Variants in SESN3 observed in about 807,000 individuals in gnomAD.
The protein encoded by SESN3 is sestrin-3.
In SESN3, 21 loss-of-function variants were observed where a neutral mutation model predicts 55.3. The observed-to-expected ratio is 0.38, with a 90% CI of 0.27 to 0.55. The LOEUF (loss-of-function observed/expected upper bound fraction) is 0.55, where lower values mean the gene tolerates loss of function less well. Among genes scored for constraint, SESN3 ranks in the 20% least tolerant of loss-of-function variants. The pLI is 0.76. For missense variants in SESN3, 408 were observed against 604.3 expected (o/e 0.68, Z 3.41); for synonymous variants, 181 against 203.1 (o/e 0.89, Z 0.93).
intron 1 of SESN3, among the ~76,000 whole-genome samples, chr11:95,217,393 G>A (rs767725549): frequency 6.6e-6 from 1 of 152,162 alleles, no homozygotes; most frequent in Non-Finnish European, 1.5e-5. Flanking sequence ...GCTCATGCCA[G>A]TAATCCCAGC....
intron 8 of SESN3, among the ~76,000 whole-genome samples, chr11:95,176,223 G>A (rs1408048425): frequency 6.6e-6 from 1 of 152,122 alleles, no homozygotes; most frequent in Non-Finnish European, 1.5e-5. Context: ...TGGTTGATAG[G>A]GACAAAAGCC....
chr11:95,169,396 T>C lies in SESN3; in HGVS notation c.*3859A>G, dbSNP rs1859808449. 6.6e-6 allele frequency: 1 copy of C among 152,228 alleles called. No individual in the cohort carries two copies. Among genetic ancestry groups the C allele is most frequent in the South Asian group, 2.1e-4 (1 of 4,832 alleles). The allele number at this position is 152,228 out of a possible 1,614,324, so 9.4% of individuals were successfully genotyped here. On this transcript the variant is annotated 3_prime_UTR_variant, in exon 10 of 10. Coordinates refer to ENST00000536441, the MANE Select transcript of SESN3 (RefSeq NM_144665.4). ...TCAGCCTGCTGTTGAATTGTGCTAC[T>C]AAGCAAATGTGATATACTATTTACA...
upstream of SESN3, chr11:95,231,303 C>T (rs1356566345): frequency 2.6e-6 from 1 of 390,594 alleles, no homozygotes; most frequent in African/African-American, 2.1e-5. Context: ...GGGCGCTAGC[C>T]CGCAGCCAAT....
Position 95,175,655 on chromosome 11 carries a change from C to A in SESN3, c.1248-13G>T. On this transcript the variant is annotated splice_polypyrimidine_tract_variant and intron_variant, in intron 8 of 9. Transcript: ENST00000536441. ...ATAGTCATCATACCTACGAGCAATA[C>A]AACAATAGCTTTATAATGACAAAAT... 1.2e-6 allele frequency: 2 copies of A among 1,600,428 alleles called. No homozygotes were observed. The highest frequency in any genetic ancestry group is 1.7e-6 in the Non-Finnish European group (2 of 1,170,256).
chr11:95,167,475 C>CCCATAT lies in SESN3; in HGVS notation c.*5779_*5780insATATGG, dbSNP rs563322416. 2 of 150,940 alleles carry CCCATAT rather than the reference C, an allele frequency of 1.3e-5. No homozygotes were observed. Among genetic ancestry groups the CCCATAT allele is most frequent in the African/African-American group, 5.0e-5 (2 of 40,342 alleles). 9.4% of individuals were successfully genotyped at this position (150,940 alleles called of 1,614,324 possible). On this transcript the variant is annotated 3_prime_UTR_variant, in exon 10 of 10. Transcript: ENST00000536441. ...TCAGATATTCATTCTGTTTCCCCCC[C>CCCATAT]ATATATATAATTTTTCATTCTGTAC...
intron 8 of SESN3, among the ~76,000 whole-genome samples, chr11:95,176,654 CT>C (rs1295816153): frequency 6.6e-6 from 1 of 152,066 alleles, no homozygotes; most frequent in East Asian, 1.9e-4. Flanking sequence ...CCATATAATG[CT>C]TAGTTTAATA....
intron 1 of SESN3, among the ~76,000 whole-genome samples, chr11:95,215,880 C>T (rs968613952): frequency 2.0e-5 from 3 of 151,874 alleles, no homozygotes; most frequent in African/African-American, 7.3e-5. Context: ...GGGCGGATCA[C>T]GAGGTCAGGA....
At chr11:95,225,840 AC>A (rs905961544) in intron 1 of SESN3, among the ~76,000 whole-genome samples, 1 of 151,274 alleles carries the variant, frequency 6.6e-6, no homozygotes, top group African/African-American at 2.4e-5. Context: ...TAGATTTACC[AC>A]CCCCCCTTTT....
In SESN3 at chr11:95,175,509, G is replaced by A; in HGVS notation, c.1381C>T (p.His461Tyr). The A allele has an allele frequency of 6.2e-7, 1 of 1,613,624 alleles. No individual in the cohort carries two copies. The highest frequency in any genetic ancestry group is 8.5e-7 in the Non-Finnish European group (1 of 1,179,704). Residue 461 changes from histidine to tyrosine, a missense_variant, in exon 9 of 10, where the codon CAC (histidine) becomes TAC (tyrosine). Coordinates refer to ENST00000536441, the MANE Select transcript of SESN3 (RefSeq NM_144665.4). ...ACTGAAACACGTACTTTTTCTGAGTGTTTGAACTGCCGCCAGTAACTATCA... is the reference window on the plus strand; with the variant it reads ...ACTGAAACACGTACTTTTTCTGAGTATTTGAACTGCCGCCAGTAACTATCA... ...MYDSYWRQFK[H>Y]SEKVHVNLLL...
intron 1 of SESN3, among the ~76,000 whole-genome samples, chr11:95,205,602 A>G (rs1394037817): frequency 6.6e-6 from 1 of 152,162 alleles, no homozygotes; most frequent in Non-Finnish European, 1.5e-5. Flanking sequence ...TCACACAATA[A>G]GGCAGCTGAA....
chr11:95,216,389 T>C (rs1016576529), intron 1 of SESN3, among the ~76,000 whole-genome samples: 12 of 152,240 alleles, frequency 7.9e-5, no homozygotes, highest in African/African-American at 2.7e-4. Context: ...ATTTTTGTGA[T>C]ATCATGGCAC....
chr11:95,217,275 T>C (rs1217200130), intron 1 of SESN3, among the ~76,000 whole-genome samples: 2 of 152,150 alleles, frequency 1.3e-5, no homozygotes, highest in Admixed American at 6.5e-5. Context: ...AATTCTCCCA[T>C]ATGTAATCAT....
At chr11:95,204,853 T>C (rs921875078) in intron 1 of SESN3, 2 of 152,156 alleles carry the variant, frequency 1.3e-5, no homozygotes, top group Non-Finnish European at 2.9e-5. Flanking sequence ...AGTCTTGAAC[T>C]AAGTACTTGA....
intron 1 of SESN3, among the ~76,000 whole-genome samples, chr11:95,220,440 T>C (rs758141199): frequency 7.9e-5 from 12 of 151,738 alleles, no homozygotes; most frequent in Non-Finnish European, 1.6e-4. Flanking sequence ...GCTGGTAAGT[T>C]AGGAAAAAAA....
intron 1 of SESN3, among the ~76,000 whole-genome samples, chr11:95,202,607 C>T (rs1453787448): frequency 6.6e-6 from 1 of 152,036 alleles, no homozygotes; most frequent in Non-Finnish European, 1.5e-5. Flanking sequence ...AAGTGTTGAA[C>T]ACTTTTTATA....
chr11:95,226,764 T>C (rs2134273124), intron 1 of SESN3, among the ~76,000 whole-genome samples: 1 of 152,324 alleles, frequency 6.6e-6, no homozygotes, highest in African/African-American at 2.4e-5. Flanking sequence ...TGAAAGATAA[T>C]GGTGTTAGAC....
upstream of SESN3, chr11:95,231,386 A>G (rs894207135): frequency 8.1e-6 from 3 of 371,580 alleles, no homozygotes; most frequent in East Asian, 7.8e-5. Context: ...TCTCCGGGCA[A>G]GTTAAGTTTA....
At chr11:95,215,836 C>T (rs545413979) in intron 1 of SESN3, among the ~76,000 whole-genome samples, 6 of 152,248 alleles carry the variant, frequency 3.9e-5, no homozygotes, top group African/African-American at 1.2e-4. Flanking sequence ...CGGTGGCTCA[C>T]GCCTGTAGTC....
chr11:95,215,223 C>T (rs1393189170), intron 1 of SESN3, among the ~76,000 whole-genome samples: 2 of 139,766 alleles, frequency 1.4e-5, no homozygotes, highest in South Asian at 2.2e-4. Flanking sequence ...GGTTGGGTCC[C>T]ATCCCCAGAA....
Sources: gnomAD v4.1 joint callset for allele counts (sites outside exome capture counted in the v4.1 genomes callset) on GRCh38, gnomAD v4.1.1 for gene constraint, MANE v1.5 for transcripts, NCBI Gene and HGNC (gene_info 2026-07-23, HGNC 2026-07-21) for gene names.